The following POPDC3 variants were observed in gnomAD, a reference collection of about 807,000 sequenced individuals.
The protein encoded by POPDC3 is popeye domain cAMP effector 3, also known as popeye domain-containing protein 3.
POPDC3 carries 20 observed loss-of-function variants against 28.2 expected under a neutral mutation model. The observed-to-expected ratio is 0.71, with a 90% confidence interval of 0.50 to 1.03. The LOEUF (loss-of-function observed/expected upper bound fraction) is 1.03, where lower values mean the gene tolerates loss of function less well. Ranked by LOEUF, POPDC3 falls within the 50% of genes least tolerant of loss-of-function variation. The pLI is 0.00. For synonymous variants in POPDC3, 118 were observed against 124.1 expected, an observed-to-expected ratio of 0.95 and a Z score of 0.33; for missense variants, 316 against 345.9, an observed-to-expected ratio of 0.91 and a Z score of 0.69.
chr6:105,172,909 A>T, intron 1 of POPDC3, among the ~76,000 whole-genome samples: 1 of 117,302 alleles, frequency 8.5e-6, no homozygotes, highest in African/African-American at 3.2e-5. Flanking sequence ...GGGGGGAGGG[A>T]TAGCATTAGG....
intron 3 of POPDC3, 162 bp from the exon 4 acceptor site, chr6:105,158,913 T>A: frequency 1.8e-6 from 1 of 546,760 alleles, no homozygotes; most frequent in Non-Finnish European, 3.2e-6. Flanking sequence ...ACTACAAAAT[T>A]CGTTACTACA....
rs1051544352 is a variant in POPDC3 at position 105,161,451 on chromosome 6, A to C, written c.459T>G (p.Asp153Glu). ...CYAMQGKTSI[D>E]KLSLLVSGRI... The stretch of plus-strand genomic sequence containing the variant: ...TTCCTGAAACAAGCAAGGAGAGTTT[A>C]TCAATGGAAGTTTTCCCCTGCATGG... The change falls in exon 2 of 4, where the codon GAT (aspartate) becomes GAG (glutamate). Residue 153 changes from aspartate (D) to glutamate (E), a missense_variant. Transcript: ENST00000254765. 1.9e-6 allele frequency: 3 copies of C among 1,613,790 alleles called. No homozygotes were observed. Among genetic ancestry groups the C allele is most frequent in the Non-Finnish European group, 2.5e-6 (3 of 1,179,878 alleles).
At chr6:105,169,522 T>C (rs908696622) in intron 1 of POPDC3, 5 of 152,218 alleles carry the variant, frequency 3.3e-5, no homozygotes, top group African/African-American at 1.2e-4. Context: ...GTCAGTTCTT[T>C]GTAACATTGA....
At chr6:105,172,931 G>A (rs1309608210) in intron 1 of POPDC3, among the ~76,000 whole-genome samples, 2 of 151,778 alleles carry the variant, frequency 1.3e-5, no homozygotes, top group Admixed American at 6.6e-5. Context: ...GATATACGTA[G>A]TGCTAAATGA....
chr6:105,167,784 T>C (rs1206045571), intron 1 of POPDC3, among the ~76,000 whole-genome samples: 2 of 151,682 alleles, frequency 1.3e-5, no homozygotes, highest in African/African-American at 4.8e-5. Context: ...ATGTCATTAA[T>C]GTTTATATTG....
Position 105,161,750 on chromosome 6 carries a change from A to G in POPDC3, c.160T>C (p.Phe54Leu). The G allele has an allele frequency of 6.2e-7, 1 of 1,614,210 alleles. No homozygotes were observed. Among genetic ancestry groups the G allele is most frequent in the Non-Finnish European group, 8.5e-7 (1 of 1,180,050 alleles). Reference sequence around the variant, plus strand: ...AGAAAACCCAACCCCAGCAAACTGAAGACATAAAGGAGCCCGAAGAATCCA... The same window carrying G: ...AGAAAACCCAACCCCAGCAAACTGAGGACATAAAGGAGCCCGAAGAATCCA... ...GSGFFGLLYV[F>L]SLLGLGFLCS... is the part of the protein sequence containing the mutation. The change falls in exon 2 of 4, where the codon TTC becomes CTC. Residue 54 changes from phenylalanine to leucine, a missense_variant. Phe to Leu is a conservative substitution (Grantham distance 22). Transcript: ENST00000254765.
At chr6:105,169,793 G>T (rs770163395) in intron 1 of POPDC3, 4 of 152,124 alleles carry the variant, frequency 2.6e-5, no homozygotes, top group Admixed American at 6.6e-5. Flanking sequence ...TGAGGTATTA[G>T]GAAAGTTAAG....
chr6:105,169,316 A>G (rs773224586), intron 1 of POPDC3: 1 of 152,200 alleles, frequency 6.6e-6, no homozygotes, highest in African/African-American at 2.4e-5. Flanking sequence ...ACAAGACCCT[A>G]TGAGAGACCC....
intron 1 of POPDC3, among the ~76,000 whole-genome samples, chr6:105,170,848 T>C (rs982245438): frequency 6.6e-6 from 1 of 152,142 alleles, no homozygotes; most frequent in African/African-American, 2.4e-5. Context: ...CATCTATCTA[T>C]CTTAAATGGT....
At chr6:105,168,629 T>C (rs896981353) in intron 1 of POPDC3, 2 of 152,210 alleles carry the variant, frequency 1.3e-5, no homozygotes, top group Non-Finnish European at 2.9e-5. Context: ...TCTCCTTCAG[T>C]GTGGGCAGAA....
intron 1 of POPDC3, among the ~76,000 whole-genome samples, chr6:105,174,473 T>A (rs907425039): frequency 6.6e-6 from 1 of 152,246 alleles, no homozygotes; most frequent in African/African-American, 2.4e-5. Flanking sequence ...GTCATTCAAG[T>A]ACAGATGCTC....
At chr6:105,178,345 G>T (rs1161876460) in intron 1 of POPDC3, among the ~76,000 whole-genome samples, 1 of 152,154 alleles carries the variant, frequency 6.6e-6, no homozygotes, top group Non-Finnish European at 1.5e-5. Context: ...GTCTTGTGGT[G>T]AAAAGTATGG....
Position 105,159,790 on chromosome 6 carries a change from A to AT in POPDC3, c.514_515insA (p.Leu172HisfsTer14). ...GAACTGAAGGGGGAAAATGTAATGC[A>AT]GAAATTCGCCATCAACTGTCACTCT... On this transcript the variant is annotated frameshift_variant, in exon 3 of 4. Transcript: ENST00000254765. LOFTEE classifies it high-confidence loss of function. 6.2e-7 allele frequency: 1 copy of AT among 1,613,470 alleles called. No homozygotes were observed. Among genetic ancestry groups the AT allele is most frequent in the Non-Finnish European group, 8.5e-7 (1 of 1,179,532 alleles).
At chr6:105,168,982 T>C (rs959719580) in intron 1 of POPDC3, 2 of 152,242 alleles carry the variant, frequency 1.3e-5, no homozygotes, top group African/African-American at 4.8e-5. Context: ...AAGCTCAGTG[T>C]GTCTGACACC....
intron 2 of POPDC3, 99 bp downstream of exon 2, chr6:105,161,326 C>T (rs960092791): frequency 2.9e-6 from 4 of 1,384,698 alleles, no homozygotes; most frequent in Non-Finnish European, 3.9e-6. Flanking sequence ...TGCTAAATGC[C>T]ACCCAGGACT....
Position 105,174,522 on chromosome 6 carries a change from G to GT in POPDC3, c.-252+5310dup, listed in dbSNP as rs1441559863. 2.8e-4 allele frequency among the ~76,000 whole-genome samples: 42 copies of GT among 152,272 alleles called. 1 individual carries two copies. Among genetic ancestry groups the GT allele is most frequent in the Admixed American group, 1.6e-3 (24 of 15,298 alleles). ...GAACTCATGGTAAGCTGAAAATATC[G>GT]TAAGTTGAAAACACACGTTTGACTT... On this transcript the variant is annotated intron_variant, in intron 1 of 3. Coordinates refer to ENST00000254765, the MANE Select transcript of POPDC3 (RefSeq NM_022361.5).
At chr6:105,166,351 G>A (rs1774454926) in intron 1 of POPDC3, among the ~76,000 whole-genome samples, 1 of 151,856 alleles carries the variant, frequency 6.6e-6, no homozygotes. Flanking sequence ...TACTTAACTG[G>A]CCTGTTTTGT....
Position 105,162,075 on chromosome 6 carries a change from T to C in POPDC3, c.-166A>G. The C allele has an allele frequency of 7.3e-7, 1 of 1,365,922 alleles. No individual in the cohort carries two copies. Among genetic ancestry groups the C allele is most frequent in the East Asian group, 2.6e-5 (1 of 38,190 alleles). The allele number at this position is 1,365,922 out of a possible 1,614,324, so 84.6% of individuals were successfully genotyped here. On this transcript the variant is annotated 5_prime_UTR_variant, in exon 2 of 4. Transcript: ENST00000254765. ...ATTAAAGGCTTCGTGTGTACGGATC[T>C]TGAAAAACTAAGAATCCCATGCTCG...
At chr6:105,171,496 C>G (rs541380474) in intron 1 of POPDC3, among the ~76,000 whole-genome samples, 1 of 151,958 alleles carries the variant, frequency 6.6e-6, no homozygotes, top group Admixed American at 6.6e-5. Flanking sequence ...AAGTGAGACC[C>G]CAGCTCTACA....
Sources: gnomAD v4.1 joint callset for allele counts (sites outside exome capture counted in the v4.1 genomes callset) on GRCh38, gnomAD v4.1.1 for gene constraint, MANE v1.5 for transcripts, NCBI Gene and HGNC (gene_info 2026-07-23, HGNC 2026-07-21) for gene names.